WDR11: variants seen among roughly 807,000 people sequenced by gnomAD.
WDR11 encodes the protein WD repeat-containing protein 11.
In WDR11, 83 loss-of-function variants were observed where a neutral mutation model predicts 151.2. The observed-to-expected ratio is 0.55, with a 90% CI of 0.46 to 0.66. The LOEUF (loss-of-function observed/expected upper bound fraction) is 0.66. Ranked by LOEUF, WDR11 falls within the 30% of genes least tolerant of loss-of-function variation. The probability of loss-of-function intolerance (pLI) is 0.00; values close to 1 mark genes in which losing one functional copy is unlikely to be tolerated. For missense variants in WDR11, 1,301 were observed against 1,480.9 expected, an observed-to-expected ratio of 0.88 and a Z score of 1.99; for synonymous variants, 484 against 533.1, an observed-to-expected ratio of 0.91 and a Z score of 1.27.
chr10:120,860,366 A>T lies in WDR11; in HGVS notation c.526+84A>T. On this transcript the variant is annotated intron_variant, in intron 4 of 28. Coordinates refer to ENST00000263461, the MANE Select transcript of WDR11 (RefSeq NM_018117.12). ...CTATGTGCATGAGATATACACACACATTATACATCTATAATGTTAAAATGA... is the reference window on the plus strand; with the variant it reads ...CTATGTGCATGAGATATACACACACTTTATACATCTATAATGTTAAAATGA... 2.1e-6 allele frequency: 3 copies of T among 1,447,960 alleles called. No individual in the cohort carries two copies. In the South Asian group the frequency reaches 3.6e-5, roughly 17 times the overall value. The allele number at this position is 1,447,960 out of a possible 1,614,324, so 89.7% of individuals were successfully genotyped here. A position where few individuals can be genotyped will look rare whatever the true frequency, so the allele number is the denominator to read the frequency against.
Position 120,901,621 on chromosome 10 carries a change from G to A in WDR11, c.2687+523G>A, listed in dbSNP as rs144236521. 3.6e-3 allele frequency among the ~76,000 whole-genome samples: 547 copies of A among 152,242 alleles called. 4 individuals are homozygous for A. Among genetic ancestry groups the A allele is most frequent in the African/African-American group, 0.013 (520 of 41,548 alleles). On this transcript the variant is annotated intron_variant, in intron 21 of 28. Transcript: ENST00000263461. ...TCTACAAGGAGTTCTTGGGGAAAGC[G>A]TAACACATTTTTGCAATCTAGAATC...
intron 11 of WDR11, among the ~76,000 whole-genome samples, chr10:120,874,354 TTTTA>T (rs1013414254): frequency 7.2e-5 from 11 of 151,806 alleles, no homozygotes; most frequent in Non-Finnish European, 2.9e-5. Flanking sequence ...TTCAGGTTTA[TTTTA>T]TTTATTTATT....
intron 19 of WDR11, 38 bp downstream of exon 19, chr10:120,890,925 C>T (rs1847410811): frequency 6.2e-7 from 1 of 1,603,630 alleles, no homozygotes; most frequent in African/African-American, 1.3e-5. Context: ...TGAAACCTGT[C>T]TTTACTTTGC....
intron 4 of WDR11, chr10:120,862,351 G>T: frequency 5.0e-6 from 1 of 199,254 alleles, no homozygotes; most frequent in Non-Finnish European, 1.0e-5. Flanking sequence ...TGTTGATCAG[G>T]CTGGTCTCGA....
At position 120,903,097 on chromosome 10, in the gene WDR11, T is replaced by C. The variant is rs746130430; in HGVS notation, c.2796T>C (p.Ala932=). The part of the protein sequence containing the change: ...DESELHFWTV[A]AHYLHSLSQE... ...CGGAGCTGCACTTCTGGACTGTCGC[T>C]GCCCACTACCTGCACAGCTTATCCC... is the stretch of plus-strand genomic sequence containing the variant. The change falls in exon 23 of 29, where the codon GCT becomes GCC. Residue 932 remains alanine (A), a synonymous_variant. Coordinates refer to ENST00000263461, the MANE Select transcript of WDR11 (RefSeq NM_018117.12). 1.9e-6 allele frequency: 3 copies of C among 1,614,202 alleles called. No homozygotes were observed. The highest frequency in any genetic ancestry group is 2.5e-6 in the Non-Finnish European group (3 of 1,180,038).
intron 12 of WDR11, chr10:120,880,047 T>C (rs1334692074): frequency 3.3e-5 from 5 of 152,316 alleles, no homozygotes; most frequent in Non-Finnish European, 7.4e-5. Context: ...AACTAGTATT[T>C]TGCACATGGG....
chr10:120,853,338 T>C (rs947365375), intron 2 of WDR11, among the ~76,000 whole-genome samples: 3 of 151,926 alleles, frequency 2.0e-5, no homozygotes, highest in African/African-American at 7.3e-5. Flanking sequence ...TGATCTCGGC[T>C]CACTGTAAGC....
In WDR11 at chr10:120,865,174, G is replaced by A; in HGVS notation, c.841G>A (p.Val281Met). The change falls in exon 6 of 29, where the codon GTG (valine) becomes ATG (methionine). Residue 281 changes from valine to methionine, a missense_variant. Coordinates refer to ENST00000263461, the MANE Select transcript of WDR11 (RefSeq NM_018117.12). Reference protein sequence around the residue: ...LDLEVNQTVGVIAIERTGVPF... With the variant: ...LDLEVNQTVGMIAIERTGVPF... ...CCTTGAGGTGAATCAGACGGTGGGT[G>A]TGATTGCAATAGAACGCACAGGAGT... is the stretch of plus-strand genomic sequence containing the variant. 6.2e-7 allele frequency: 1 copy of A among 1,613,870 alleles called. No homozygotes were observed. Among genetic ancestry groups the A allele is most frequent in the Non-Finnish European group, 8.5e-7 (1 of 1,179,826 alleles).
intron 1 of WDR11, 109 bp downstream of exon 1, chr10:120,851,615 G>A (rs182085121): frequency 1.1e-5 from 15 of 1,356,188 alleles, no homozygotes; most frequent in Admixed American, 5.9e-5. Flanking sequence ...CGCTAAGGCA[G>A]GGAGCCGCCC....
At chr10:120,885,770 A>G in intron 14 of WDR11, 44 bp from the exon 15 acceptor site, 2 of 1,611,600 alleles carry the variant, frequency 1.2e-6, no homozygotes, top group Non-Finnish European at 8.5e-7. Flanking sequence ...TCTTTGACAG[A>G]AGGAAACCTA....
intron 2 of WDR11, among the ~76,000 whole-genome samples, chr10:120,853,709 A>G (rs559644780): frequency 2.0e-5 from 3 of 152,306 alleles, no homozygotes; most frequent in Admixed American, 2.0e-4. Flanking sequence ...TTTTGGTGGG[A>G]AATTCTAAGG....
chr10:120,895,205 AT>A (rs1423164217), intron 19 of WDR11, among the ~76,000 whole-genome samples: 2 of 151,666 alleles, frequency 1.3e-5, no homozygotes, highest in African/African-American at 2.4e-5. Flanking sequence ...TGTATAGTTA[AT>A]TTTTTTCCCT....
At chr10:120,851,619 G>C in intron 1 of WDR11, 113 bp downstream of exon 1, 2 of 1,315,724 alleles carry the variant, frequency 1.5e-6, no homozygotes, top group Non-Finnish European at 2.1e-6. Flanking sequence ...AAGGCAGGGA[G>C]CCGCCCTCAC....
At chr10:120,871,994 A>G (rs901626626) in intron 10 of WDR11, among the ~76,000 whole-genome samples, 13 of 152,252 alleles carry the variant, frequency 8.5e-5, no homozygotes, top group Non-Finnish European at 1.5e-5. Context: ...CATTATTAAA[A>G]TACATTTCTC....
At chr10:120,888,836 CT>C (rs1299294753) in intron 16 of WDR11, among the ~76,000 whole-genome samples, 2 of 152,120 alleles carry the variant, frequency 1.3e-5, no homozygotes, top group African/African-American at 4.8e-5. Flanking sequence ...AAGACATCCC[CT>C]CTCTTTAAAT....
rs768999287 is a variant in WDR11 at position 120,905,304 on chromosome 10, G to A, written c.3194-15G>A. ...GCTGCAGTGTCACTTAAGGGGATGC[G>A]CTTTTGTCTTTCAGAGGGCGTTCAG... On this transcript the variant is annotated splice_polypyrimidine_tract_variant and intron_variant, in intron 25 of 28. Coordinates refer to ENST00000263461, the MANE Select transcript of WDR11 (RefSeq NM_018117.12). 208 of 1,613,254 alleles carry A rather than the reference G, an allele frequency of 1.3e-4. 2 individuals carry two copies. In the Admixed American group the frequency reaches 2.7e-3, roughly 21 times the overall value.
At chr10:120,905,845 T>A in intron 26 of WDR11, 31 bp from the exon 27 acceptor site, 1 of 1,614,142 alleles carries the variant, frequency 6.2e-7, no homozygotes, top group Non-Finnish European at 8.5e-7. Context: ...GTGCAGGATG[T>A]TTTTGTTGTT....
chr10:120,900,192 C>G, intron 20 of WDR11, 55 bp downstream of exon 20: 1 of 1,444,756 alleles, frequency 6.9e-7, no homozygotes, highest in East Asian at 2.3e-5. Context: ...TGAAAGACAC[C>G]CATGAAAGTC....
rs148721868 is a variant in WDR11, at chr10:120,877,112, T to G, written c.1557-1241T>G. On this transcript the variant is annotated intron_variant, in intron 11 of 28. Coordinates refer to ENST00000263461, the MANE Select transcript of WDR11 (RefSeq NM_018117.12). ...AATAGCTAATTAATCAGAGAGGTAT[T>G]AATTTTAAGTAAGGTTTATTATCCT... 5.3e-3 allele frequency among the ~76,000 whole-genome samples: 814 copies of G among 152,336 alleles called. 13 individuals are homozygous for G. The highest frequency in any genetic ancestry group is 0.019 in the African/African-American group (780 of 41,572).
Sources: allele counts gnomAD v4.1 joint callset (sites outside exome capture counted in the v4.1 genomes callset), GRCh38; gene constraint gnomAD v4.1.1; transcripts MANE v1.5; gene names NCBI Gene and HGNC (gene_info 2026-07-23, HGNC 2026-07-21).